Variants in AGAP1 observed in about 807,000 individuals in gnomAD.
AGAP1 encodes the protein ArfGAP with GTPase domain, ankyrin repeat and PH domain 1, also known as arf-GAP with GTPase, ANK repeat and PH domain-containing protein 1.
A neutral mutation model predicts 105.3 loss-of-function variants in AGAP1; 29 were observed. That is an observed-to-expected ratio of 0.28 (90% CI 0.21 to 0.38). The LOEUF (loss-of-function observed/expected upper bound fraction) is 0.38, where lower values mean the gene tolerates loss of function less well. Among genes scored for constraint, AGAP1 ranks in the 10% least tolerant of loss-of-function variants. The pLI, the probability that AGAP1 is intolerant of heterozygous loss-of-function variation, is 1.00. For synonymous variants in AGAP1, 509 were observed against 485.9 expected, an observed-to-expected ratio of 1.05 and a Z score of -0.63; for missense variants, 998 against 1,165.1, an observed-to-expected ratio of 0.86 and a Z score of 2.09.
Position 236,089,808 on chromosome 2 carries a change from G to C in AGAP1, c.2115-30384G>C, listed in dbSNP as rs557557711. On this transcript the variant is annotated intron_variant, in intron 16 of 17. Coordinates refer to ENST00000304032, the MANE Select transcript of AGAP1 (RefSeq NM_001037131.3). This position sits in a 1 kb window ranked among gnomAD's most constrained non-coding sequence, Gnocchi z 5.6. Reference sequence around the variant, plus strand: ...CCCTGCCTCTTGAATGGCTGACGAGGTCTAATTGGCATGTAACGCCCTATA... The same window carrying C: ...CCCTGCCTCTTGAATGGCTGACGAGCTCTAATTGGCATGTAACGCCCTATA... Among the ~76,000 whole-genome samples the C allele has an allele frequency of 3.9e-5, 6 of 152,242 alleles. No individual in the cohort carries two copies. In the East Asian group the frequency reaches 1.2e-3, roughly 29 times the overall value.
rs1028527029 is a variant in AGAP1, at chr2:236,130,959, G to GTAC, written c.*6838_*6840dup. On this transcript the variant is annotated 3_prime_UTR_variant, in exon 18 of 18. Coordinates refer to ENST00000304032, the MANE Select transcript of AGAP1 (RefSeq NM_001037131.3). The surrounding 1 kb of genome is among the most constrained non-coding windows in gnomAD (Gnocchi z 5.8). ...GGCTCTCAGCATGGCTGTTTTGAGG[G>GTAC]TACACAGGTGGCTGGAGAGGGGTGG... 6.6e-6 allele frequency: 1 copy of GTAC among 152,312 alleles called. No homozygotes were observed. Among genetic ancestry groups the GTAC allele is most frequent in the Non-Finnish European group, 1.5e-5 (1 of 68,136 alleles). The allele number at this position is 152,312 out of a possible 1,614,324, so 9.4% of individuals were successfully genotyped here. A position where few individuals can be genotyped will look rare whatever the true frequency, so the allele number is the denominator to read the frequency against.
At chr2:235,949,613 G>A (rs546719865) in intron 12 of AGAP1, among the ~76,000 whole-genome samples, 1 of 152,290 alleles carries the variant, frequency 6.6e-6, no homozygotes, top group South Asian at 2.1e-4. Context: ...TTCCATTTTT[G>A]TGCTCTTTTG....
At chr2:235,697,487 A>G (rs533755287) in intron 1 of AGAP1, among the ~76,000 whole-genome samples, 12 of 152,272 alleles carry the variant, frequency 7.9e-5, no homozygotes, top group Admixed American at 3.3e-4. Flanking sequence ...GGGGGGACCA[A>G]TACCTAGTGG....
rs752724385 is a variant in AGAP1, at chr2:236,036,548, C to T, written c.1646-13C>T. ...TAAAAGCTAAACTCTTCATCCCACACTCTGTGTTTCAGAACAAGAAGAAAA... is the reference window on the plus strand; with the variant it reads ...TAAAAGCTAAACTCTTCATCCCACATTCTGTGTTTCAGAACAAGAAGAAAA... On this transcript the variant is annotated splice_polypyrimidine_tract_variant and intron_variant, in intron 13 of 17. Transcript: ENST00000304032. This position sits in a 1 kb window ranked among gnomAD's most constrained non-coding sequence, Gnocchi z 5.7. 8 of 1,613,548 alleles carry T rather than the reference C, an allele frequency of 5.0e-6. No individual in the cohort carries two copies. In the African/African-American group the frequency reaches 8.0e-5, roughly 16 times the overall value.
chr2:236,042,662 G>C lies in AGAP1; in HGVS notation c.1891+1821G>C, dbSNP rs3754657. Among the ~76,000 whole-genome samples the C allele has an allele frequency of 6.6e-6, 1 of 152,224 alleles. No homozygotes were observed. Among genetic ancestry groups the C allele is most frequent in the African/African-American group, 2.4e-5 (1 of 41,534 alleles). ...CGGGGACCATGATACCTGGCAAATC[G>C]GAGGTCGCAGGTCCTGTCTGAGATG... is the stretch of plus-strand genomic sequence containing the variant. On this transcript the variant is annotated intron_variant, in intron 15 of 17. Coordinates refer to ENST00000304032, the MANE Select transcript of AGAP1 (RefSeq NM_001037131.3). This position sits in a 1 kb window ranked among gnomAD's most constrained non-coding sequence, Gnocchi z 5.6.
At chr2:235,779,997 C>T (rs1956157450) in intron 6 of AGAP1, among the ~76,000 whole-genome samples, 1 of 152,160 alleles carries the variant, frequency 6.6e-6, no homozygotes, top group Non-Finnish European at 1.5e-5. Context: ...TTGGACTGCA[C>T]AATCTCCTTA....
chr2:235,980,817 G>A (rs1320604978), intron 13 of AGAP1, among the ~76,000 whole-genome samples: 1 of 152,146 alleles, frequency 6.6e-6, no homozygotes, highest in African/African-American at 2.4e-5. Context: ...TTCTCCCATT[G>A]TTTCCTCCCT....
Position 235,725,084 on chromosome 2 carries a change from G to T in AGAP1, c.310+7440G>T, listed in dbSNP as rs965860313. On this transcript the variant is annotated intron_variant, in intron 3 of 17. Coordinates refer to ENST00000304032, the MANE Select transcript of AGAP1 (RefSeq NM_001037131.3). This position sits in a 1 kb window ranked among gnomAD's most constrained non-coding sequence, Gnocchi z 5.7. ...ATTTTCCACTGTGTGTTTGGTTTCTGTTGCTTGTTCCAAGCTGCTGACGCG... is the reference window on the plus strand; with the variant it reads ...ATTTTCCACTGTGTGTTTGGTTTCTTTTGCTTGTTCCAAGCTGCTGACGCG... Among the ~76,000 whole-genome samples, 1 of 152,174 alleles carries T rather than the reference G, an allele frequency of 6.6e-6. No homozygotes were observed.
At position 235,610,286 on chromosome 2, in the gene AGAP1, G is replaced by A. The variant is rs566406906; in HGVS notation, c.164-98893G>A. Among the ~76,000 whole-genome samples the A allele has an allele frequency of 1.1e-4, 16 of 152,210 alleles. No homozygotes were observed. Among genetic ancestry groups the A allele is most frequent in the Non-Finnish European group, 1.8e-4 (12 of 68,014 alleles). On this transcript the variant is annotated intron_variant, in intron 1 of 17. Coordinates refer to ENST00000304032, the MANE Select transcript of AGAP1 (RefSeq NM_001037131.3). This position sits in a 1 kb window ranked among gnomAD's most constrained non-coding sequence, Gnocchi z 4.9. Reference sequence around the variant, plus strand: ...ATCTGCTGTATCCTTATGATACCTCGTCATCTTGGAGTCCACCGTGCACTT... The same window carrying A: ...ATCTGCTGTATCCTTATGATACCTCATCATCTTGGAGTCCACCGTGCACTT...
intron 11 of AGAP1, among the ~76,000 whole-genome samples, chr2:235,912,772 T>C (rs2051680829): frequency 6.6e-6 from 1 of 152,226 alleles, no homozygotes; most frequent in African/African-American, 2.4e-5. Context: ...ATCACCAGTT[T>C]CACCTCACAC....
At chr2:235,764,318 G>T (rs906555024) in intron 6 of AGAP1, among the ~76,000 whole-genome samples, 2 of 152,140 alleles carry the variant, frequency 1.3e-5, no homozygotes, top group Non-Finnish European at 2.9e-5. Context: ...CACAGAAACC[G>T]ATTTTCAGGG....
At chr2:235,511,422 C>A (rs1028289427) in intron 1 of AGAP1, among the ~76,000 whole-genome samples, 24 of 152,070 alleles carry the variant, frequency 1.6e-4, no homozygotes, top group African/African-American at 5.8e-4. Context: ...GCAGGGGGCT[C>A]AGCCAGCTCC....
chr2:235,547,814 G>C (rs938408417), intron 1 of AGAP1, among the ~76,000 whole-genome samples: 3 of 152,200 alleles, frequency 2.0e-5, no homozygotes, highest in African/African-American at 7.2e-5. Context: ...CTACTGTGGG[G>C]TTGGTCTTAT....
At chr2:235,646,120 C>G (rs1947374542) in intron 1 of AGAP1, among the ~76,000 whole-genome samples, 1 of 151,914 alleles carries the variant, frequency 6.6e-6, no homozygotes, top group African/African-American at 2.4e-5. Flanking sequence ...ACTGAAAATA[C>G]AAAAATTAGC....
chr2:235,846,920 G>A lies in AGAP1; in HGVS notation c.1051-36425G>A, dbSNP rs138109892. Among the ~76,000 whole-genome samples, 126 of 152,280 alleles carry A rather than the reference G, an allele frequency of 8.3e-4. 1 individual carries two copies. The East Asian group carries it at 0.016, about 19-fold the overall frequency. On this transcript the variant is annotated intron_variant, in intron 9 of 17. Transcript: ENST00000304032. ...TGGGATGACAGGCATGAGCCACTGCGCCTGGTCTGGTTCCACAGTTTTGAA... is the reference window on the plus strand; with the variant it reads ...TGGGATGACAGGCATGAGCCACTGCACCTGGTCTGGTTCCACAGTTTTGAA...
At chr2:235,771,479 A>T (rs1383012414) in intron 6 of AGAP1, among the ~76,000 whole-genome samples, 5 of 152,192 alleles carry the variant, frequency 3.3e-5, no homozygotes, top group African/African-American at 1.2e-4. Context: ...GGGCGTGCAA[A>T]GATGACGGGC....
At chr2:236,094,745 T>C (rs760047762) in intron 16 of AGAP1, among the ~76,000 whole-genome samples, 4 of 151,932 alleles carry the variant, frequency 2.6e-5, no homozygotes, top group Non-Finnish European at 5.9e-5. Context: ...GCATACAGAA[T>C]GAATTTCCAC....
rs1294875676 is a variant in AGAP1, at chr2:235,855,678, A to G, written c.1051-27667A>G. Among the ~76,000 whole-genome samples, 2 of 152,162 alleles carry G rather than the reference A, an allele frequency of 1.3e-5. No homozygotes were observed. Among genetic ancestry groups the G allele is most frequent in the African/African-American group, 4.8e-5 (2 of 41,434 alleles). On this transcript the variant is annotated intron_variant, in intron 9 of 17. Coordinates refer to ENST00000304032, the MANE Select transcript of AGAP1 (RefSeq NM_001037131.3). The surrounding 1 kb of genome is among the most constrained non-coding windows in gnomAD (Gnocchi z 5.0). ...TCTCCACTGTGCTGGGAAGACCGAG[A>G]GGCTGAGCAGCAGCTCCACTGAATT... is the stretch of plus-strand genomic sequence containing the variant.
chr2:235,898,055 G>A lies in AGAP1; in HGVS notation c.1156-10683G>A, dbSNP rs1165579924. 3.3e-5 allele frequency among the ~76,000 whole-genome samples: 5 copies of A among 152,166 alleles called. No homozygotes were observed. In the East Asian group the frequency reaches 5.8e-4, roughly 18 times the overall value. On this transcript the variant is annotated intron_variant, in intron 10 of 17. Transcript: ENST00000304032. Reference sequence around the variant, plus strand: ...CTGGGAGGGCCACCTCTGCCGCATCGGCTATTTGCCTGTTACAACTCTAGG... The same window carrying A: ...CTGGGAGGGCCACCTCTGCCGCATCAGCTATTTGCCTGTTACAACTCTAGG...
Sources: allele counts gnomAD v4.1 joint callset (sites outside exome capture counted in the v4.1 genomes callset), GRCh38; gene constraint gnomAD v4.1.1; non-coding constraint Gnocchi (gnomAD v3.1); transcripts MANE v1.5; gene names NCBI Gene and HGNC (gene_info 2026-07-23, HGNC 2026-07-21).